PARD3B: variants seen among roughly 807,000 people sequenced by gnomAD.
PARD3B encodes the protein partitioning defective 3 homolog B.
Under a neutral mutation model 130.2 loss-of-function variants are expected in PARD3B, and 103 were observed. That is an observed-to-expected ratio of 0.79 (90% CI 0.67 to 0.93). The LOEUF is 0.93. PARD3B is among the 40% of genes least tolerant of loss of function. PARD3B has a pLI of 0.00. For missense variants in PARD3B, 1,609 were observed against 1,499.2 expected, an observed-to-expected ratio of 1.07 and a Z score of -1.21; for synonymous variants, 583 against 553.2, an observed-to-expected ratio of 1.05 and a Z score of -0.76.
chr2:204,562,655 C>A (rs1458815671), intron 1 of PARD3B, among the ~76,000 whole-genome samples: 1 of 152,060 alleles, frequency 6.6e-6, no homozygotes, highest in Non-Finnish European at 1.5e-5. Flanking sequence ...TGGATTACTT[C>A]CTTTTGTAGC....
intron 20 of PARD3B, among the ~76,000 whole-genome samples, chr2:205,489,783 G>C (rs963529659): frequency 6.6e-6 from 1 of 152,156 alleles, no homozygotes; most frequent in East Asian, 1.9e-4. Context: ...TAACTGGCAT[G>C]TTGTTGAATT....
In PARD3B at chr2:205,319,863, C is replaced by CT. The variant is rs1329639168; in HGVS notation, c.2630+18168dup. On this transcript the variant is annotated intron_variant, in intron 18 of 22. Transcript: ENST00000406610. Reference sequence around the variant, plus strand: ...TGTTTTTTCTCCTGTAGTTTTTTTTCTTTTTTGCCCAAAATATTTATTTTG... The same window carrying CT: ...TGTTTTTTCTCCTGTAGTTTTTTTTCTTTTTTTGCCCAAAATATTTATTTTG... 2.0e-5 allele frequency among the ~76,000 whole-genome samples: 3 copies of CT among 151,666 alleles called. No homozygotes were observed. The East Asian group carries it at 5.8e-4, about 29-fold the overall frequency.
At chr2:204,847,815 G>C (rs1241517721) in intron 2 of PARD3B, among the ~76,000 whole-genome samples, 3 of 152,164 alleles carry the variant, frequency 2.0e-5, no homozygotes, top group Admixed American at 6.6e-5. Context: ...GTGAAAAGGT[G>C]AAAGTTCTCA....
chr2:205,409,222 T>C (rs181432271), intron 19 of PARD3B, among the ~76,000 whole-genome samples: 2 of 152,156 alleles, frequency 1.3e-5, no homozygotes, highest in Admixed American at 6.5e-5. Flanking sequence ...GTGATTACTA[T>C]TGATGCTCGT....
intron 20 of PARD3B, among the ~76,000 whole-genome samples, chr2:205,447,469 C>G (rs1279539687): frequency 6.6e-6 from 1 of 152,236 alleles, no homozygotes. Flanking sequence ...CCTCCACCTC[C>G]TGGATTCAAG....
At chr2:204,568,728 A>G (rs574179599) in intron 1 of PARD3B, among the ~76,000 whole-genome samples, 163 of 152,264 alleles carry the variant, frequency 1.1e-3, no homozygotes, top group South Asian at 9.1e-3. Flanking sequence ...GCCCAGGTGG[A>G]TGGATCACTT....
intron 2 of PARD3B, among the ~76,000 whole-genome samples, chr2:204,787,439 A>G (rs974541910): frequency 6.6e-6 from 1 of 152,028 alleles, no homozygotes; most frequent in Non-Finnish European, 1.5e-5. Flanking sequence ...TGAAATATAT[A>G]GTCTCAGCAC....
intron 18 of PARD3B, among the ~76,000 whole-genome samples, chr2:205,354,875 G>C (rs977945416): frequency 1.3e-5 from 2 of 152,206 alleles, no homozygotes; most frequent in Non-Finnish European, 2.9e-5. Context: ...TCCTGGGACA[G>C]AATGGGAATA....
chr2:205,101,999 A>C (rs1395103781), intron 4 of PARD3B, among the ~76,000 whole-genome samples: 1 of 152,148 alleles, frequency 6.6e-6, no homozygotes, highest in Non-Finnish European at 1.5e-5. Context: ...GTACTCTTTA[A>C]AATGGTGACT....
intron 2 of PARD3B, among the ~76,000 whole-genome samples, chr2:204,914,820 G>T (rs1320947086): frequency 6.6e-6 from 1 of 152,126 alleles, no homozygotes; most frequent in Admixed American, 6.5e-5. Context: ...ACGCGGTGGT[G>T]CCTGGAGCAG....
intron 2 of PARD3B, among the ~76,000 whole-genome samples, chr2:204,920,507 T>C (rs1203385068): frequency 1.3e-5 from 2 of 152,184 alleles, no homozygotes; most frequent in African/African-American, 4.8e-5. Flanking sequence ...AAGATCTCAA[T>C]TGAGGGTAGT....
rs200930899 is a variant in PARD3B, at chr2:204,943,177, C to CAT, written c.223-21964_223-21963dup. ...GTATGTGTGTGTGTGTATGTGTATG[C>CAT]ATATATATATATGTGTGTGTATATA... On this transcript the variant is annotated intron_variant, in intron 2 of 22. Coordinates refer to ENST00000406610, the MANE Select transcript of PARD3B (RefSeq NM_001302769.2). The surrounding 1 kb of genome is among the most constrained non-coding windows in gnomAD (Gnocchi z 4.2). Among the ~76,000 whole-genome samples the CAT allele has an allele frequency of 6.4e-4, 97 of 151,298 alleles. No individual in the cohort carries two copies. The highest frequency in any genetic ancestry group is 1.4e-3 in the Admixed American group (21 of 15,154).
At chr2:205,475,061 T>A (rs1458512167) in intron 20 of PARD3B, among the ~76,000 whole-genome samples, 1 of 152,164 alleles carries the variant, frequency 6.6e-6, no homozygotes, top group African/African-American at 2.4e-5. Context: ...GGATGCAGGC[T>A]TTTATCTCCC....
chr2:204,685,766 T>G (rs2037046118), intron 1 of PARD3B, among the ~76,000 whole-genome samples: 1 of 152,160 alleles, frequency 6.6e-6, no homozygotes, highest in Admixed American at 6.5e-5. Flanking sequence ...CCATCACAGA[T>G]TCTGCCTTTA....
intron 18 of PARD3B, among the ~76,000 whole-genome samples, chr2:205,348,755 C>T (rs559676863): frequency 1.3e-5 from 2 of 152,224 alleles, no homozygotes; most frequent in South Asian, 2.1e-4. Context: ...CTTTAATTCT[C>T]ATAATACTGA....
chr2:205,271,213 T>G (rs1441558866), intron 16 of PARD3B, among the ~76,000 whole-genome samples: 1 of 152,170 alleles, frequency 6.6e-6, no homozygotes, highest in Non-Finnish European at 1.5e-5. Flanking sequence ...GAAGCTAGGC[T>G]TTGTTCCAGG....
In PARD3B at chr2:205,229,605, C is replaced by T. The variant is rs1458590798; in HGVS notation, c.2141-16173C>T. Among the ~76,000 whole-genome samples the T allele has an allele frequency of 6.6e-6, 1 of 152,110 alleles. No individual in the cohort carries two copies. Among genetic ancestry groups the T allele is most frequent in the Admixed American group, 6.6e-5 (1 of 15,258 alleles). On this transcript the variant is annotated intron_variant, in intron 15 of 22. Coordinates refer to ENST00000406610, the MANE Select transcript of PARD3B (RefSeq NM_001302769.2). The surrounding 1 kb of genome is among the most constrained non-coding windows in gnomAD (Gnocchi z 5.2). The stretch of plus-strand genomic sequence containing the variant: ...GACTACCACTGGTACTGTTTGGGGT[C>T]AGACCTGAAGGCAGCACAGCACTGG...
rs986144018 is a variant in PARD3B, at chr2:205,525,285, G to T, written c.3180+25254G>T. 6.6e-6 allele frequency among the ~76,000 whole-genome samples: 1 copy of T among 152,130 alleles called. No individual in the cohort carries two copies. Among genetic ancestry groups the T allele is most frequent in the African/African-American group, 2.4e-5 (1 of 41,430 alleles). The stretch of plus-strand genomic sequence containing the variant: ...GTTTCCTTACCACTCCAAGAGTGGG[G>T]TCTCTGGAAAATATAGTAACAAAGC... On this transcript the variant is annotated intron_variant, in intron 21 of 22. Coordinates refer to ENST00000406610, the MANE Select transcript of PARD3B (RefSeq NM_001302769.2). This position sits in a 1 kb window ranked among gnomAD's most constrained non-coding sequence, Gnocchi z 4.2.
At chr2:205,346,196 T>C (rs2043758009) in intron 18 of PARD3B, among the ~76,000 whole-genome samples, 1 of 148,764 alleles carries the variant, frequency 6.7e-6, no homozygotes, top group African/African-American at 2.5e-5. Context: ...AATAAATAAA[T>C]AAATAAATAA....
Sources: gnomAD v4.1 joint callset for allele counts (sites outside exome capture counted in the v4.1 genomes callset) on GRCh38, gnomAD v4.1.1 for gene constraint, Gnocchi (gnomAD v3.1) non-coding constraint, MANE v1.5 for transcripts, NCBI Gene and HGNC (gene_info 2026-07-23, HGNC 2026-07-21) for gene names.